EVC2: variants seen among roughly 807,000 people sequenced by gnomAD.
EVC2 encodes the protein limbin.
In EVC2, 148 loss-of-function variants were observed where a neutral mutation model predicts 149.3. The ratio of observed to expected loss-of-function variants is 0.99; its 90% CI spans 0.87 to 1.14. The LOEUF (loss-of-function observed/expected upper bound fraction) is 1.14. Ranked by LOEUF, EVC2 falls within the 50% of genes most tolerant of loss-of-function variation. EVC2 has a pLI of 0.00. For synonymous variants in EVC2, 776 were observed against 649.9 expected, an observed-to-expected ratio of 1.19 and a Z score of -2.95; for missense variants, 1,854 against 1,627.3, an observed-to-expected ratio of 1.14 and a Z score of -2.40.
Position 5,613,776 on chromosome 4 carries a change from A to G in EVC2, c.2829+1646T>C, listed in dbSNP as rs968131620. Among the ~76,000 whole-genome samples, 1 of 152,134 alleles carries G rather than the reference A, an allele frequency of 6.6e-6. No homozygotes were observed. The highest frequency in any genetic ancestry group is 2.4e-5 in the African/African-American group (1 of 41,416). On this transcript the variant is annotated intron_variant, in intron 16 of 21. Coordinates refer to ENST00000344408, the MANE Select transcript of EVC2 (RefSeq NM_147127.5). This position sits in a 1 kb window ranked among gnomAD's most constrained non-coding sequence, Gnocchi z 4.6. ...ATAGGTAAGATGACATTTTGCCTCT[A>G]TCTGCCTAATCTTTGTCTTGCTGTT...
chr4:5,672,664 C>A (rs1719724753), intron 7 of EVC2, among the ~76,000 whole-genome samples: 1 of 152,140 alleles, frequency 6.6e-6, no homozygotes, highest in African/African-American at 2.4e-5. Flanking sequence ...AGCAATTTCA[C>A]CCCCAAGCAT....
rs1717672482 is a variant in EVC2, at chr4:5,645,818, G to A, written c.1146-4980C>T. On this transcript the variant is annotated intron_variant, in intron 9 of 21. Transcript: ENST00000344408. ...GGGTTGAATAGTAGTTCTGTTTTTA[G>A]GTCTTTGAGAAGTTGCCACACTGTT... Among the ~76,000 whole-genome samples, 3 of 152,288 alleles carry A rather than the reference G, an allele frequency of 2.0e-5. No homozygotes were observed. In the South Asian group the frequency reaches 6.2e-4, roughly 32 times the overall value.
intron 7 of EVC2, among the ~76,000 whole-genome samples, chr4:5,672,940 G>A (rs1719743251): frequency 6.6e-6 from 1 of 152,186 alleles, no homozygotes; most frequent in Admixed American, 6.5e-5. Context: ...AATGTACAGG[G>A]TCGGCAAATC....
In EVC2 at chr4:5,657,486, T is replaced by A. The variant is rs1718599017; in HGVS notation, c.1145+5621A>T. 1.3e-5 allele frequency among the ~76,000 whole-genome samples: 2 copies of A among 152,048 alleles called. No individual in the cohort carries two copies. Among genetic ancestry groups the A allele is most frequent in the African/African-American group, 4.8e-5 (2 of 41,412 alleles). Reference sequence around the variant, plus strand: ...GTAGCCTGAAGAGCCACATCACATCTGGAAACATGTTGTGTTGTCTTCTGG... The same window carrying A: ...GTAGCCTGAAGAGCCACATCACATCAGGAAACATGTTGTGTTGTCTTCTGG... On this transcript the variant is annotated intron_variant, in intron 9 of 21. Coordinates refer to ENST00000344408, the MANE Select transcript of EVC2 (RefSeq NM_147127.5). The surrounding 1 kb of genome is among the most constrained non-coding windows in gnomAD (Gnocchi z 4.7).
At chr4:5,639,062 T>C (rs1465781442) in intron 10 of EVC2, among the ~76,000 whole-genome samples, 3 of 152,144 alleles carry the variant, frequency 2.0e-5, no homozygotes, top group African/African-American at 2.4e-5. Context: ...AGGGAGCAGG[T>C]GCAGGCAGGA....
At chr4:5,600,736 G>A (rs563416177) in intron 16 of EVC2, among the ~76,000 whole-genome samples, 37 of 152,182 alleles carry the variant, frequency 2.4e-4, no homozygotes, top group Admixed American at 8.5e-4. Flanking sequence ...GACACATCTA[G>A]AAGTGGGAGG....
In EVC2 at chr4:5,625,674, T is replaced by C; in HGVS notation, c.2046+75A>G. On this transcript the variant is annotated intron_variant, in intron 13 of 21. Coordinates refer to ENST00000344408, the MANE Select transcript of EVC2 (RefSeq NM_147127.5). The surrounding 1 kb of genome is among the most constrained non-coding windows in gnomAD (Gnocchi z 4.0). The stretch of plus-strand genomic sequence containing the variant: ...ATCCTAGTTCACCAATGGCAATGTC[T>C]GGCACAGTACCTGGCACTTGATGGG... 6.9e-6 allele frequency: 11 copies of C among 1,592,672 alleles called. No individual in the cohort carries two copies. The highest frequency in any genetic ancestry group is 9.4e-6 in the Non-Finnish European group (11 of 1,164,462).
chr4:5,686,616 C>A lies in EVC2; in HGVS notation c.707-1137G>T, dbSNP rs1720731520. On this transcript the variant is annotated intron_variant, in intron 5 of 21. Coordinates refer to ENST00000344408, the MANE Select transcript of EVC2 (RefSeq NM_147127.5). The surrounding 1 kb of genome is among the most constrained non-coding windows in gnomAD (Gnocchi z 5.4). ...GAGACAGTGACTGGCTTAGGATCAC[C>A]CCGCTGATGGACAGGGAGCCACCTG... 6.6e-6 allele frequency among the ~76,000 whole-genome samples: 1 copy of A among 152,080 alleles called. No individual in the cohort carries two copies. The highest frequency in any genetic ancestry group is 1.5e-5 in the Non-Finnish European group (1 of 68,024).
At chr4:5,683,175 G>C (rs1720464117) in intron 6 of EVC2, among the ~76,000 whole-genome samples, 1 of 152,214 alleles carries the variant, frequency 6.6e-6, no homozygotes, top group Non-Finnish European at 1.5e-5. Flanking sequence ...CTCTAAAGAA[G>C]AGACACCTCT....
chr4:5,674,448 C>G (rs775015750), intron 7 of EVC2, among the ~76,000 whole-genome samples: 1 of 152,144 alleles, frequency 6.6e-6, no homozygotes, highest in East Asian at 1.9e-4. Context: ...TTCAACAATT[C>G]TATTCTGATG....
intron 9 of EVC2, among the ~76,000 whole-genome samples, chr4:5,644,880 A>G (rs1717598018): frequency 6.6e-6 from 1 of 152,202 alleles, no homozygotes; most frequent in African/African-American, 2.4e-5. Flanking sequence ...TTATGGTTGA[A>G]AAACATTCCA....
chr4:5,630,190 C>T (rs140280278), intron 11 of EVC2, among the ~76,000 whole-genome samples: 78 of 152,256 alleles, frequency 5.1e-4, no homozygotes, highest in African/African-American at 1.8e-3. Context: ...GTCCTGGGTG[C>T]CTTCTGGGAA....
At chr4:5,577,586 T>A (rs1225116475) in intron 17 of EVC2, among the ~76,000 whole-genome samples, 1 of 152,068 alleles carries the variant, frequency 6.6e-6, no homozygotes, top group Non-Finnish European at 1.5e-5. Context: ...AAAGCTTGCA[T>A]CAAACACTCA....
intron 3 of EVC2, among the ~76,000 whole-genome samples, chr4:5,692,253 C>T (rs1228057175): frequency 1.3e-5 from 2 of 152,132 alleles, no homozygotes; most frequent in Non-Finnish European, 2.9e-5. Flanking sequence ...GCCTTGGACT[C>T]CTGGCCTCAA....
chr4:5,615,923 C>T (rs185495535), intron 15 of EVC2, among the ~76,000 whole-genome samples: 30 of 152,224 alleles, frequency 2.0e-4, no homozygotes, highest in Admixed American at 9.1e-4. Context: ...TCTTGCAATG[C>T]TTCCATGACA....
At chr4:5,561,141 C>G (rs917420078), downstream of EVC2, among the ~76,000 whole-genome samples, 6 of 152,178 alleles carry the variant, frequency 3.9e-5, no homozygotes, top group Non-Finnish European at 7.3e-5. Flanking sequence ...ATGCATAATT[C>G]TATCAGAGCC....
Position 5,693,475 on chromosome 4 carries a change from T to A in EVC2, c.450+860A>T, listed in dbSNP as rs1293663304. On this transcript the variant is annotated intron_variant, in intron 3 of 21. Coordinates refer to ENST00000344408, the MANE Select transcript of EVC2 (RefSeq NM_147127.5). The stretch of plus-strand genomic sequence containing the variant: ...CAGATGGAGGGAGAGAGTCAAGTGA[T>A]CCAGCCACAGCCAAGGATGGCCTGG... 2.0e-5 allele frequency among the ~76,000 whole-genome samples: 3 copies of A among 152,148 alleles called. No individual in the cohort carries two copies. The East Asian group carries it at 5.8e-4, about 29-fold the overall frequency.
chr4:5,663,081 A>G (rs1239576796), intron 9 of EVC2, 26 bp downstream of exon 9: 1 of 1,613,522 alleles, frequency 6.2e-7, no homozygotes, highest in African/African-American at 1.3e-5. Context: ...CATGTGTGTA[A>G]GTATAATGGG....
chr4:5,569,831 G>A lies in EVC2; in HGVS notation c.3361-1191C>T, dbSNP rs546133718. 1.3e-5 allele frequency among the ~76,000 whole-genome samples: 2 copies of A among 152,174 alleles called. No homozygotes were observed. The highest frequency in any genetic ancestry group is 2.9e-5 in the Non-Finnish European group (2 of 68,010). Reference sequence around the variant, plus strand: ...GCTTTCAGTGAAGGCACGAGGAAAGGTGCTGTTCCAAATACCAAAGCTCCT... The same window carrying A: ...GCTTTCAGTGAAGGCACGAGGAAAGATGCTGTTCCAAATACCAAAGCTCCT... On this transcript the variant is annotated intron_variant, in intron 19 of 21. Coordinates refer to ENST00000344408, the MANE Select transcript of EVC2 (RefSeq NM_147127.5). This position sits in a 1 kb window ranked among gnomAD's most constrained non-coding sequence, Gnocchi z 4.8.
Sources: allele counts gnomAD v4.1 joint callset (sites outside exome capture counted in the v4.1 genomes callset), GRCh38; gene constraint gnomAD v4.1.1; non-coding constraint Gnocchi (gnomAD v3.1); transcripts MANE v1.5; gene names NCBI Gene and HGNC (gene_info 2026-07-23, HGNC 2026-07-21).